Variants in PRMT8 observed in about 807,000 individuals in gnomAD.
PRMT8 encodes the protein protein arginine N-methyltransferase 8.
PRMT8 carries 7 observed loss-of-function variants against 47.1 expected under a neutral mutation model. The observed-to-expected ratio is 0.15, with a 90% CI of 0.08 to 0.28. The LOEUF (loss-of-function observed/expected upper bound fraction) is 0.28, where lower values mean the gene tolerates loss of function less well. Among genes scored for constraint, PRMT8 ranks in the 10% least tolerant of loss-of-function variants. The pLI, the probability that PRMT8 is intolerant of heterozygous loss-of-function variation, is 1.00. For synonymous variants in PRMT8, 188 were observed against 186.5 expected (o/e 1.01, Z -0.07); for missense variants, 237 against 505.4 (o/e 0.47, Z 5.09).
At position 3,491,536 on chromosome 12, in the gene PRMT8, T is replaced by TC. The variant is rs1260950695; in HGVS notation, c.-89dup. 1 of 1,470,398 alleles carries TC rather than the reference T, an allele frequency of 6.8e-7. No homozygotes were observed. Among genetic ancestry groups the TC allele is most frequent in the African/African-American group, 1.4e-5 (1 of 70,598 alleles). The allele number at this position is 1,470,398 out of a possible 1,614,324, so 91.1% of individuals were successfully genotyped here. ...AGGGGCTGGGTTGGATTTTTTTTTT[T>TC]CTCCCATCCTCTCGCTCTCTCTTTT... On this transcript the variant is annotated 5_prime_UTR_variant, in exon 1 of 10. Coordinates refer to ENST00000382622, the MANE Select transcript of PRMT8 (RefSeq NM_019854.5).
rs999336161 is a variant in PRMT8, at chr12:3,564,915, C to T, written c.482-3791C>T. ...CCTAGTAAGTTGGCATATGCCCCAC[C>T]ATGACAGGTAGCATTTTGTAGATTG... On this transcript the variant is annotated intron_variant, in intron 4 of 9. Transcript: ENST00000382622. This position sits in a 1 kb window ranked among gnomAD's most constrained non-coding sequence, Gnocchi z 4.0. Among the ~76,000 whole-genome samples the T allele has an allele frequency of 1.3e-5, 2 of 152,238 alleles. No homozygotes were observed. The highest frequency in any genetic ancestry group is 2.4e-5 in the African/African-American group (1 of 41,460).
At chr12:3,454,515 C>T (rs1864953687) in intron 1 of PRMT8, among the ~76,000 whole-genome samples, 1 of 152,060 alleles carries the variant, frequency 6.6e-6, no homozygotes, top group Non-Finnish European at 1.5e-5. Flanking sequence ...AAAAGAAGCC[C>T]GTCATGCCCA....
At chr12:3,546,004 G>A (rs539555447) in intron 2 of PRMT8, among the ~76,000 whole-genome samples, 40 of 152,278 alleles carry the variant, frequency 2.6e-4, no homozygotes, top group African/African-American at 9.4e-4. Flanking sequence ...TATGTTTTTT[G>A]ATCACAATGA....
intron 1 of PRMT8, among the ~76,000 whole-genome samples, chr12:3,482,255 GAAGAA>G (rs1450512044): frequency 2.0e-5 from 3 of 152,170 alleles, no homozygotes; most frequent in Admixed American, 6.5e-5. Flanking sequence ...AAGGCGAAAG[GAAGAA>G]AAGAAAAGAC....
intron 1 of PRMT8, among the ~76,000 whole-genome samples, chr12:3,465,131 T>A (rs2335986): frequency 0.22 from 1,953 of 8,798 alleles, 48 homozygotes; most frequent in African/African-American, 0.45. Context: ...TCAAAAAAAA[T>A]ATATATATAT....
intron 1 of PRMT8, among the ~76,000 whole-genome samples, chr12:3,421,727 C>A (rs567144491): frequency 1.2e-4 from 19 of 152,334 alleles, no homozygotes; most frequent in Admixed American, 1.0e-3. Flanking sequence ...ACTTTGATGA[C>A]ACCACATTTA....
Position 3,580,843 on chromosome 12 carries a change from A to G in PRMT8, c.829-2215A>G, listed in dbSNP as rs1224779995. Among the ~76,000 whole-genome samples, 2 of 152,214 alleles carry G rather than the reference A, an allele frequency of 1.3e-5. No individual in the cohort carries two copies. The highest frequency in any genetic ancestry group is 2.9e-5 in the Non-Finnish European group (2 of 68,038). On this transcript the variant is annotated intron_variant, in intron 7 of 9. Transcript: ENST00000382622. The surrounding 1 kb of genome is among the most constrained non-coding windows in gnomAD (Gnocchi z 4.6). Reference sequence around the variant, plus strand: ...GGGTAGACACTGTGATGCCATTAACAACAATACAGGCAACCAAGGCTTGTC... The same window carrying G: ...GGGTAGACACTGTGATGCCATTAACGACAATACAGGCAACCAAGGCTTGTC...
intron 8 of PRMT8, among the ~76,000 whole-genome samples, chr12:3,585,603 C>T (rs554074915): frequency 7.3e-5 from 11 of 150,350 alleles, no homozygotes; most frequent in African/African-American, 2.7e-4. Context: ...TTCTCTTTTA[C>T]CTATGGAAAG....
At chr12:3,419,970 AGGGAGAGG>A (rs1170046734) in intron 1 of PRMT8, among the ~76,000 whole-genome samples, 4 of 83,598 alleles carry the variant, frequency 4.8e-5, no homozygotes, top group South Asian at 4.7e-4. Context: ...GGGGAGAAAG[AGGGAGAGG>A]GGGAGAGGGG....
chr12:3,460,224 G>A (rs1369811678), intron 1 of PRMT8, among the ~76,000 whole-genome samples: 3 of 152,176 alleles, frequency 2.0e-5, no homozygotes, highest in South Asian at 4.1e-4. Context: ...TTTTCCAGGT[G>A]GCATTACTTC....
At chr12:3,471,230 G>T (rs78881046) in intron 1 of PRMT8, among the ~76,000 whole-genome samples, 1 of 152,134 alleles carries the variant, frequency 6.6e-6, no homozygotes, top group South Asian at 2.1e-4. Context: ...GGGAAGGAGA[G>T]GGGCAAGGTG....
At chr12:3,391,402 G>A (rs549686287) in intron 1 of PRMT8, among the ~76,000 whole-genome samples, 1 of 152,316 alleles carries the variant, frequency 6.6e-6, no homozygotes, top group East Asian at 1.9e-4. Context: ...AAGTCAGGGG[G>A]CAGCCATACA....
At chr12:3,489,194 A>G (rs1302101203), upstream of PRMT8, among the ~76,000 whole-genome samples, 1 of 152,148 alleles carries the variant, frequency 6.6e-6, no homozygotes, top group Non-Finnish European at 1.5e-5. Context: ...GGAGAAGCCA[A>G]GCAAAGCAAA....
intron 8 of PRMT8, among the ~76,000 whole-genome samples, chr12:3,591,671 G>A (rs1290659840): frequency 6.6e-6 from 1 of 152,104 alleles, no homozygotes; most frequent in South Asian, 2.1e-4. Context: ...TGAGGTTACA[G>A]CTATGAGCCA....
chr12:3,465,675 A>G (rs2137091261), intron 1 of PRMT8, among the ~76,000 whole-genome samples: 2 of 152,262 alleles, frequency 1.3e-5, no homozygotes, highest in South Asian at 4.1e-4. Flanking sequence ...CTGGCTGTAA[A>G]CAGACGCTGA....
chr12:3,485,301 T>C (rs1026385884), intron 1 of PRMT8, among the ~76,000 whole-genome samples: 2 of 152,196 alleles, frequency 1.3e-5, no homozygotes, highest in African/African-American at 2.4e-5. Context: ...TTTTATTTCA[T>C]GGATCTTCCT....
chr12:3,474,524 G>T (rs562081590), intron 1 of PRMT8, among the ~76,000 whole-genome samples: 8 of 152,060 alleles, frequency 5.3e-5, no homozygotes, highest in African/African-American at 1.9e-4. Flanking sequence ...ATCCTGAGGG[G>T]CTTGTCCTCC....
chr12:3,448,569 T>G (rs1407357704), intron 1 of PRMT8, among the ~76,000 whole-genome samples: 1 of 152,170 alleles, frequency 6.6e-6, no homozygotes, highest in African/African-American at 2.4e-5. Flanking sequence ...TCCAGTGCAT[T>G]GTAGACGGTG....
intron 1 of PRMT8, among the ~76,000 whole-genome samples, chr12:3,517,423 A>G (rs1865811866): frequency 6.6e-6 from 1 of 152,170 alleles, no homozygotes. Flanking sequence ...CACAGAAGCC[A>G]TAGACAAACC....
Sources: gnomAD v4.1 joint callset for allele counts (sites outside exome capture counted in the v4.1 genomes callset) on GRCh38, gnomAD v4.1.1 for gene constraint, Gnocchi (gnomAD v3.1) non-coding constraint, MANE v1.5 for transcripts, NCBI Gene and HGNC (gene_info 2026-07-23, HGNC 2026-07-21) for gene names.